CPXM2: variants seen among roughly 807,000 people sequenced by gnomAD.
CPXM2 encodes carboxypeptidase X, M14 family member 2.
CPXM2 carries 66 observed loss-of-function variants against 86.1 expected under a neutral mutation model. That is an observed-to-expected ratio of 0.77 (90% CI 0.63 to 0.94). The LOEUF (loss-of-function observed/expected upper bound fraction) is 0.94. Among genes scored for constraint, CPXM2 ranks in the 40% least tolerant of loss-of-function variants. The pLI is 0.00. For synonymous variants in CPXM2, 388 were observed against 400.2 expected, an observed-to-expected ratio of 0.97 and a Z score of 0.36; for missense variants, 948 against 1,026.3, an observed-to-expected ratio of 0.92 and a Z score of 1.04.
Position 123,862,675 on chromosome 10 carries a change from A to G in CPXM2, c.452T>C (p.Leu151Pro). 3 of 1,614,174 alleles carry G rather than the reference A, an allele frequency of 1.9e-6. No homozygotes were observed. Among genetic ancestry groups the G allele is most frequent in the Non-Finnish European group, 2.5e-6 (3 of 1,180,034 alleles). ...LETLKITDFQLHASTVKRYGL... is the reference protein window; with the variant it reads ...LETLKITDFQPHASTVKRYGL... ...ATAGCGCTTCACCGTGGAGGCATGG[A>G]GCTGGAAGTCTGTGATTTTTAAGGT... is the stretch of plus-strand genomic sequence containing the variant. Residue 151 changes from leucine to proline, a missense_variant, in exon 3 of 14, where the codon CTC becomes CCC. Transcript: ENST00000241305.
rs7093740 is a variant in CPXM2 at position 123,910,627 on chromosome 10, G to T, written n.174+28850C>A. 2.4e-3 allele frequency among the ~76,000 whole-genome samples: 372 copies of T among 152,304 alleles called. 4 individuals are homozygous for T. Among genetic ancestry groups the T allele is most frequent in the African/African-American group, 8.1e-3 (337 of 41,564 alleles). On this transcript the variant is annotated intron_variant and non_coding_transcript_variant, in intron 2 of 19. Transcript: ENST00000368854. ...ACTAGACATTTGCATAAGTGAGTTA[G>T]GCATAACTGGTGTGAAATACAGGTA...
intron 4 of CPXM2, among the ~76,000 whole-genome samples, chr10:123,840,038 G>A (rs926014626): frequency 6.6e-6 from 1 of 152,194 alleles, no homozygotes; most frequent in Non-Finnish European, 1.5e-5. Context: ...TGGAATGTGA[G>A]CTTTATACCT....
chr10:123,897,735 CA>C (rs753405363), intron 2 of CPXM2, among the ~76,000 whole-genome samples: 2 of 152,206 alleles, frequency 1.3e-5, no homozygotes, highest in Non-Finnish European at 2.9e-5. Flanking sequence ...AGACAAGAAG[CA>C]AAATCATCTT....
chr10:123,836,079 C>T (rs1032360860), intron 4 of CPXM2, among the ~76,000 whole-genome samples: 1 of 152,092 alleles, frequency 6.6e-6, no homozygotes, highest in Non-Finnish European at 1.5e-5. Context: ...TCAGCTGCCT[C>T]CTCATCTCCT....
chr10:123,880,626 A>G (rs7893701), intron 1 of CPXM2, among the ~76,000 whole-genome samples: 28,377 of 151,780 alleles, frequency 0.19, 3,076 homozygotes, highest in African/African-American at 0.28. Flanking sequence ...TCAGGAGATC[A>G]AGACCATCCT....
rs1945271801 is a variant in CPXM2 at position 123,891,522 on chromosome 10, G to A, written c.138C>T (p.Tyr46=). Reference sequence around the variant, plus strand: ...CGAGCTCGGGCTCCGGGCGCGCGTAGTAGGGCTCCCGGCTCCAGATCTCCT... The same window carrying A: ...CGAGCTCGGGCTCCGGGCGCGCGTAATAGGGCTCCCGGCTCCAGATCTCCT... The part of the protein sequence containing the change: ...YGQEIWSREP[Y]YARPEPELET... Residue 46 remains tyrosine, a synonymous_variant, in exon 1 of 14, where the codon TAC becomes TAT. Transcript: ENST00000241305. This position sits in a 1 kb window ranked among gnomAD's most constrained non-coding sequence, Gnocchi z 5.6. 2 of 1,548,902 alleles carry A rather than the reference G, an allele frequency of 1.3e-6. No homozygotes were observed. Among genetic ancestry groups the A allele is most frequent in the Non-Finnish European group, 1.7e-6 (2 of 1,145,818 alleles).
At chr10:123,841,284 C>T (rs949185349) in intron 4 of CPXM2, among the ~76,000 whole-genome samples, 1 of 152,174 alleles carries the variant, frequency 6.6e-6, no homozygotes, top group African/African-American at 2.4e-5. Context: ...GCTCTACCTC[C>T]GTCTCCACAA....
intron 2 of CPXM2, among the ~76,000 whole-genome samples, chr10:123,874,387 C>T (rs1944946339): frequency 6.6e-6 from 1 of 151,688 alleles, no homozygotes; most frequent in Non-Finnish European, 1.5e-5. Context: ...CAACCACACA[C>T]ACACACACAA....
intron 4 of CPXM2, among the ~76,000 whole-genome samples, chr10:123,824,013 C>G (rs991029475): frequency 1.4e-4 from 22 of 152,146 alleles, no homozygotes; most frequent in African/African-American, 5.3e-4. Context: ...ACGTTTTCAG[C>G]TTTTCCACTC....
At chr10:123,937,470 AACACACACACACACACACAC>A (rs201368456) in intron 2 of CPXM2, among the ~76,000 whole-genome samples, 2,233 of 132,656 alleles carry the variant, frequency 0.017, 39 homozygotes, top group African/African-American at 0.045. Context: ...ACAACAAAAC[AACACACACACACACACACAC>A]ACACACACAC....
At chr10:123,910,045 A>C (rs565584130) in intron 2 of CPXM2, among the ~76,000 whole-genome samples, 3 of 152,276 alleles carry the variant, frequency 2.0e-5, no homozygotes, top group Non-Finnish European at 2.9e-5. Flanking sequence ...CCACAGAGAC[A>C]GTGTAGGGAG....
chr10:123,794,653 A>C (rs1847285262), intron 6 of CPXM2, among the ~76,000 whole-genome samples: 1 of 152,052 alleles, frequency 6.6e-6, no homozygotes, highest in African/African-American at 2.4e-5. Context: ...GGACTAGTCC[A>C]TTTGACCTTA....
In CPXM2 at chr10:123,866,252, T is replaced by C. The variant is rs141104949; in HGVS notation, c.404-3529A>G. On this transcript the variant is annotated intron_variant, in intron 2 of 13. Transcript: ENST00000241305. ...CAGGCACCGTCTATGCCACTCAGCGTCCAATCACACGCACAAAGTTTAAAT... is the reference window on the plus strand; with the variant it reads ...CAGGCACCGTCTATGCCACTCAGCGCCCAATCACACGCACAAAGTTTAAAT... Among the ~76,000 whole-genome samples the C allele has an allele frequency of 6.6e-3, 1,001 of 152,208 alleles. 13 individuals are homozygous for C. The highest frequency in any genetic ancestry group is 0.022 in the African/African-American group (911 of 41,528).
At chr10:123,879,362 GAATCAGAA>G (rs1945044365) in intron 2 of CPXM2, among the ~76,000 whole-genome samples, 1 of 152,166 alleles carries the variant, frequency 6.6e-6, no homozygotes, top group South Asian at 2.1e-4. Context: ...AAAAAGTCTA[GAATCAGAA>G]AATCTTGGGT....
intron 1 of CPXM2, among the ~76,000 whole-genome samples, chr10:123,882,908 C>A (rs1244133710): frequency 6.8e-6 from 1 of 147,054 alleles, no homozygotes; most frequent in Non-Finnish European, 1.5e-5. Context: ...AACACCATGG[C>A]CTGCGCAGCT....
intron 3 of CPXM2, among the ~76,000 whole-genome samples, chr10:123,845,917 G>A (rs1297459594): frequency 6.6e-6 from 1 of 152,130 alleles, no homozygotes; most frequent in Non-Finnish European, 1.5e-5. Flanking sequence ...AAGAATGGAG[G>A]GATGGTGCTT....
intron 7 of CPXM2, among the ~76,000 whole-genome samples, chr10:123,779,229 C>G (rs1846877552): frequency 6.6e-6 from 1 of 152,226 alleles, no homozygotes; most frequent in African/African-American, 2.4e-5. Flanking sequence ...TTTGCCAGCT[C>G]CTCCCCATGC....
chr10:123,841,864 A>G (rs1848394430), intron 4 of CPXM2, among the ~76,000 whole-genome samples: 1 of 152,120 alleles, frequency 6.6e-6, no homozygotes. Context: ...CTCAGGCCTC[A>G]AGCTCTGTCA....
intron 3 of CPXM2, among the ~76,000 whole-genome samples, chr10:123,844,903 G>A (rs984991505): frequency 2.6e-5 from 4 of 151,646 alleles, no homozygotes; most frequent in African/African-American, 9.7e-5. Flanking sequence ...TTCAAAATGT[G>A]TATTAAAAAA....
Sources: allele counts gnomAD v4.1 joint callset (sites outside exome capture counted in the v4.1 genomes callset), GRCh38; gene constraint gnomAD v4.1.1; non-coding constraint Gnocchi (gnomAD v3.1); transcripts MANE v1.5; gene names NCBI Gene and HGNC (gene_info 2026-07-23, HGNC 2026-07-21).